The following TRMT112 variants were observed in gnomAD, a reference collection of about 807,000 sequenced individuals.
TRMT112 encodes multifunctional methyltransferase subunit TRM112-like protein.
In TRMT112, 9 loss-of-function variants were observed where a neutral mutation model predicts 13.8. The observed-to-expected ratio is 0.65, with a 90% CI of 0.39 to 1.14. The LOEUF is 1.14. Ranked by LOEUF, TRMT112 falls within the 50% of genes most tolerant of loss-of-function variation. The pLI, the probability that TRMT112 is intolerant of heterozygous loss-of-function variation, is 0.01. For synonymous variants in TRMT112, 64 were observed against 67.0 expected (o/e 0.96, Z 0.22); for missense variants, 196 against 165.5 (o/e 1.18, Z -1.01).
At chr11:64,318,488 C>T (rs1276434349), upstream of TRMT112, 1 of 1,423,382 alleles carries the variant, frequency 7.0e-7, no homozygotes, top group Non-Finnish European at 9.4e-7. Context: ...CTGCCAGACC[C>T]CTCCCCTCCG....
rs753371832 is a variant in TRMT112, at chr11:64,317,009, A to C, written c.271-41T>G. 1.2e-5 allele frequency: 20 copies of C among 1,610,916 alleles called. No individual in the cohort carries two copies. The South Asian group carries it at 2.1e-4, about 17-fold the overall frequency. On this transcript the variant is annotated intron_variant, in intron 3 of 3. Transcript: ENST00000544844. ...GACAGAGCTGAGCACTGGCAGCCTC[A>C]GTGCGGGAGGCAGGTGGCCCGGGAA...
At chr11:64,318,238 C>T (rs368539290), upstream of TRMT112, 24 of 1,611,842 alleles carry the variant, frequency 1.5e-5, no homozygotes, top group African/African-American at 8.0e-5. Context: ...GGCGTGTGCG[C>T]CCTGAGACGC....
At chr11:64,317,913 A>T, upstream of TRMT112, 1 of 1,362,976 alleles carries the variant, frequency 7.3e-7, no homozygotes. Context: ...AAGGGGCAGA[A>T]ATACCGCCCT....
At chr11:64,318,392 C>T (rs1477917883), upstream of TRMT112, 5 of 1,601,512 alleles carry the variant, frequency 3.1e-6, no homozygotes, top group Non-Finnish European at 4.3e-6. Flanking sequence ...TCAAGGTGAC[C>T]GCTGGCCCGG....
chr11:64,318,366 G>A, upstream of TRMT112: 1 of 1,609,322 alleles, frequency 6.2e-7, no homozygotes, highest in Non-Finnish European at 8.5e-7. Flanking sequence ...CAGAGCCGCT[G>A]CAGCCATGGC....
upstream of TRMT112, chr11:64,317,700 G>T: frequency 2.5e-6 from 2 of 791,930 alleles, no homozygotes; most frequent in Non-Finnish European, 3.9e-6. Context: ...AAGACCTGTC[G>T]GGTCACGCGC....
chr11:64,317,813 A>C, upstream of TRMT112: 1 of 806,854 alleles, frequency 1.2e-6, no homozygotes, highest in Middle Eastern at 3.9e-4. Flanking sequence ...AATAGCTGCA[A>C]TGCAGGAGCT....
upstream of TRMT112, chr11:64,318,283 G>A (rs369628643): frequency 4.3e-6 from 7 of 1,612,552 alleles, no homozygotes; most frequent in African/African-American, 1.3e-5. Context: ...GGGGCCGGCG[G>A]TCAGTCTGCG....
chr11:64,318,197 A>G (rs753082757), upstream of TRMT112: 2 of 1,610,694 alleles, frequency 1.2e-6, no homozygotes, highest in South Asian at 2.2e-5. Flanking sequence ...GGCGGAGTGG[A>G]AGTGGCCGTG....
In TRMT112 at chr11:64,317,460, G is replaced by A; in HGVS notation, c.67C>T (p.Leu23=). Residue 23 remains leucine, a synonymous_variant, in exon 1 of 4, where the codon CTG becomes TTG. Coordinates refer to ENST00000544844, the MANE Select transcript of TRMT112 (RefSeq NM_016404.3). ...VRGVGSRGFP[L]RLQATEVRIC... ...CCGCCGGCGGGTACCTGGAGGCGCA[G>A]GGGGAAGCCACGGGACCCCACCCCC... is the stretch of plus-strand genomic sequence containing the variant. 6.2e-7 allele frequency: 1 copy of A among 1,610,686 alleles called. No homozygotes were observed. The highest frequency in any genetic ancestry group is 8.5e-7 in the Non-Finnish European group (1 of 1,178,306).
Position 64,316,806 on chromosome 11 carries a change from G to GTA in TRMT112, c.*53_*54dup. Reference sequence around the variant, plus strand: ...ACACACGGCAGAATTCGGAAACAGGGTATAGATCAACAAAAATACACAGTC... The same window carrying GTA: ...ACACACGGCAGAATTCGGAAACAGGGTATATAGATCAACAAAAATACACAGTC... On this transcript the variant is annotated 3_prime_UTR_variant, in exon 4 of 4. Coordinates refer to ENST00000544844, the MANE Select transcript of TRMT112 (RefSeq NM_016404.3). 1 of 1,217,226 alleles carries GTA rather than the reference G, an allele frequency of 8.2e-7. No homozygotes were observed. The highest frequency in any genetic ancestry group is 1.2e-6 in the Non-Finnish European group (1 of 819,582). 75.4% of individuals were successfully genotyped at this position (1,217,226 alleles called of 1,614,324 possible).
upstream of TRMT112, chr11:64,318,065 G>T: frequency 2.1e-6 from 3 of 1,442,710 alleles, no homozygotes; most frequent in South Asian, 1.5e-5. Context: ...GGTCCCGGAA[G>T]CTCTGTTCTG....
chr11:64,318,379 C>A, upstream of TRMT112: 1 of 1,607,074 alleles, frequency 6.2e-7, no homozygotes, highest in Non-Finnish European at 8.5e-7. Context: ...GCCATGGCCC[C>A]AATCAAGGTG....
chr11:64,318,225 G>A, upstream of TRMT112: 1 of 1,611,722 alleles, frequency 6.2e-7, no homozygotes, highest in Non-Finnish European at 8.5e-7. Context: ...TATGGGACTA[G>A]CTGGCGTGTG....
upstream of TRMT112, chr11:64,318,165 G>C: frequency 6.2e-7 from 1 of 1,606,290 alleles, no homozygotes; most frequent in Non-Finnish European, 8.5e-7. Flanking sequence ...TGCCCCGCCT[G>C]CTGCGGTGGC....
chr11:64,316,918 G>C lies in TRMT112; in HGVS notation c.321C>G (p.Phe107Leu). 2 of 1,612,422 alleles carry C rather than the reference G, an allele frequency of 1.2e-6. No individual in the cohort carries two copies. The highest frequency in any genetic ancestry group is 1.3e-5 in the African/African-American group (1 of 74,998). ...TLQCPESGRM[F>L]PISRGIPNML... Reference sequence around the variant, plus strand: ...TGTTGGGGATCCCGCGGCTGATGGGGAACATACGTCCAGATTCCGGGCACT... The same window carrying C: ...TGTTGGGGATCCCGCGGCTGATGGGCAACATACGTCCAGATTCCGGGCACT... The change falls in exon 4 of 4, where the codon TTC becomes TTG. Residue 107 changes from phenylalanine to leucine, a missense_variant. Physicochemically the swap from Phe to Leu is conservative, Grantham distance 22. Transcript: ENST00000544844.
At position 64,317,352 on chromosome 11, in the gene TRMT112, CGGACCTCGGT is replaced by C; in HGVS notation, c.82_91del (p.Thr28ValfsTer15). 6.2e-7 allele frequency: 1 copy of C among 1,614,162 alleles called. No individual in the cohort carries two copies. The highest frequency in any genetic ancestry group is 8.5e-7 in the Non-Finnish European group (1 of 1,180,022). ...GGGGTTGAATTCCACAGGGCAGATA[CGGACCTCGGT>C]GGCCTGCAGGGCGGAGGAGTTTAGG... is the stretch of plus-strand genomic sequence containing the variant. On this transcript the variant is annotated frameshift_variant, in exon 2 of 4. Coordinates refer to ENST00000544844, the MANE Select transcript of TRMT112 (RefSeq NM_016404.3). LOFTEE classifies it high-confidence loss of function.
chr11:64,316,556 C>G lies in TRMT112; in HGVS notation c.*305G>C. The G allele has an allele frequency of 3.0e-6, 1 of 330,848 alleles. No homozygotes were observed. The highest frequency in any genetic ancestry group is 3.1e-5 in the South Asian group (1 of 32,624). 20.5% of individuals were successfully genotyped at this position (330,848 alleles called of 1,614,324 possible). On this transcript the variant is annotated 3_prime_UTR_variant, in exon 4 of 4. Transcript: ENST00000544844. The stretch of plus-strand genomic sequence containing the variant: ...GGTAGGAGAGCACTGCCTCTATGCC[C>G]TGCAGAGCAATAACACTATATTTAT...
chr11:64,317,965 C>T (rs2035351765), upstream of TRMT112: 14 of 1,398,440 alleles, frequency 1.0e-5, no homozygotes, highest in South Asian at 3.1e-5. Flanking sequence ...GCACCTCATT[C>T]CTATATGCAA....
Sources: allele counts gnomAD v4.1 joint callset, GRCh38; gene constraint gnomAD v4.1.1; transcripts MANE v1.5; gene names NCBI Gene and HGNC (gene_info 2026-07-23, HGNC 2026-07-21).